ATAD2: variants seen among roughly 807,000 people sequenced by gnomAD.
ATAD2 encodes the protein ATPase family AAA domain containing 2, also known as ATPase family AAA domain-containing protein 2.
ATAD2 carries 62 observed loss-of-function variants against 168.9 expected under a neutral mutation model. The observed-to-expected ratio is 0.37, with a 90% CI of 0.30 to 0.45. ATAD2 has a LOEUF of 0.45. Ranked by LOEUF, ATAD2 falls within the 20% of genes least tolerant of loss-of-function variation. ATAD2 has a pLI of 1.00. For missense variants in ATAD2, 1,419 were observed against 1,667.8 expected, an observed-to-expected ratio of 0.85 and a Z score of 2.60; for synonymous variants, 613 against 571.6, an observed-to-expected ratio of 1.07 and a Z score of -1.03.
At position 123,319,991 on chromosome 8, in the gene ATAD2, T is replaced by C. The variant is rs1827425655; in HGVS notation, c.*1143A>G. 4 of 152,166 alleles carry C rather than the reference T, an allele frequency of 2.6e-5. No individual in the cohort carries two copies. Among genetic ancestry groups the C allele is most frequent in the Admixed American group, 1.3e-4 (2 of 15,262 alleles). 9.4% of individuals were successfully genotyped at this position (152,166 alleles called of 1,614,324 possible). On this transcript the variant is annotated 3_prime_UTR_variant, in exon 28 of 28. Transcript: ENST00000287394. ...ATGTGTATCTCCAGGAATATAAATA[T>C]ATTTAAATGTTCTCAGTGACTGGCA...
chr8:123,342,242 C>CT (rs1828086266), intron 19 of ATAD2, among the ~76,000 whole-genome samples: 1 of 152,136 alleles, frequency 6.6e-6, no homozygotes, highest in Non-Finnish European at 1.5e-5. Flanking sequence ...TAAACTTCTA[C>CT]TTTATTAATA....
intron 1 of ATAD2, among the ~76,000 whole-genome samples, chr8:123,384,100 A>T (rs1055062219): frequency 1.3e-5 from 2 of 151,770 alleles, no homozygotes; most frequent in Non-Finnish European, 1.5e-5. Context: ...AAAAAGAAAG[A>T]AAGAAAAAAA....
Position 123,357,722 on chromosome 8 carries a change from T to C in ATAD2, c.1397A>G (p.Tyr466Cys). 1 of 1,607,584 alleles carries C rather than the reference T, an allele frequency of 6.2e-7. No individual in the cohort carries two copies. Among genetic ancestry groups the C allele is most frequent in the Non-Finnish European group, 8.5e-7 (1 of 1,178,028 alleles). ...KIQPPRGCLF[Y>C]GPPGTGKTLV... is the part of the protein sequence containing the mutation. ...AGTCTTTCCAGTTCCAGGTGGCCCA[T>C]AAAACAAACAACCTCTGTAAAACAA... The change falls in exon 12 of 28, where the codon TAT becomes TGT. Residue 466 changes from tyrosine to cysteine, a missense_variant. By Grantham distance (194) the Tyr-to-Cys change is radical. This residue lies in a region of ATAD2 where 146 missense variants were observed against 188.3 expected (regional missense o/e 0.78). Transcript: ENST00000287394.
At chr8:123,336,768 TC>T (rs1185541013) in intron 21 of ATAD2, among the ~76,000 whole-genome samples, 2 of 152,130 alleles carry the variant, frequency 1.3e-5, no homozygotes, top group Non-Finnish European at 2.9e-5. Context: ...AGCTGTATTC[TC>T]CAGTAACAGC....
chr8:123,406,542 C>A (rs373743073), intron 1 of ATAD2, among the ~76,000 whole-genome samples: 4 of 150,990 alleles, frequency 2.6e-5, no homozygotes, highest in Non-Finnish European at 5.9e-5. Flanking sequence ...ACACTGGAGC[C>A]GGGTGTGGTG....
chr8:123,357,769 C>T, intron 11 of ATAD2, 33 bp from the exon 12 acceptor site: 1 of 1,528,954 alleles, frequency 6.5e-7, no homozygotes, highest in South Asian at 1.3e-5. Flanking sequence ...TTTAGTATTA[C>T]ATTTAAAAAG....
chr8:123,399,432 C>T (rs77602025), upstream of ATAD2, among the ~76,000 whole-genome samples: 4,944 of 152,070 alleles, frequency 0.033, 277 homozygotes, highest in African/African-American at 0.11. Context: ...CTAAGAGGTA[C>T]TCAGTGGATA....
At chr8:123,375,903 C>T (rs1394572816) in intron 2 of ATAD2, among the ~76,000 whole-genome samples, 3 of 151,496 alleles carry the variant, frequency 2.0e-5, no homozygotes, top group Non-Finnish European at 4.4e-5. Flanking sequence ...GTCAAGAGTT[C>T]AAGACCAGCC....
chr8:123,367,173 G>T (rs1206839315), intron 8 of ATAD2, among the ~76,000 whole-genome samples: 1 of 152,110 alleles, frequency 6.6e-6, no homozygotes, highest in Non-Finnish European at 1.5e-5. Context: ...CCACCACTTG[G>T]GAGGCCAAGG....
rs751001496 is a variant in ATAD2, at chr8:123,396,341, C to T, written c.17G>A (p.Ser6Asn). MVVLRSSLELHNHSAA... is the reference protein window; with the variant it reads MVVLRNSLELHNHSAA... ...GGAGTGGTTGTGCAGCTCCAAGCTG[C>T]TGCGGAGAACCACCATCTTCTCTCC... The change falls in exon 1 of 28, where the codon AGC becomes AAC. Residue 6 changes from serine (S) to asparagine (N), a missense_variant. Transcript: ENST00000287394. 1.6e-5 allele frequency: 26 copies of T among 1,597,246 alleles called. No individual in the cohort carries two copies. The highest frequency in any genetic ancestry group is 1.7e-4 in the Middle Eastern group (1 of 5,870).
intron 1 of ATAD2, among the ~76,000 whole-genome samples, chr8:123,384,253 CAA>C (rs889550566): frequency 6.6e-6 from 1 of 150,938 alleles, no homozygotes; most frequent in African/African-American, 2.4e-5. Context: ...TGATGTATAA[CAA>C]AAAAAAACTG....
Position 123,402,270 on chromosome 8 carries a change from G to A in ATAD2, c.-2281-1095C>T, listed in dbSNP as rs999122815. Among the ~76,000 whole-genome samples the A allele has an allele frequency of 7.9e-5, 12 of 152,078 alleles. No homozygotes were observed. The highest frequency in any genetic ancestry group is 6.2e-4 in the South Asian group (3 of 4,834). On this transcript the variant is annotated intron_variant, in intron 1 of 28. Transcript: ENST00000521903. This position sits in a 1 kb window ranked among gnomAD's most constrained non-coding sequence, Gnocchi z 4.8. ...AGTTGTGAGGGGTCTGTGACCCCTC[G>A]CTGGGCATCCCCTGCAGAGTCAGGA...
chr8:123,378,500 G>A (rs1245444281), intron 2 of ATAD2, among the ~76,000 whole-genome samples: 10 of 151,884 alleles, frequency 6.6e-5, no homozygotes, highest in Admixed American at 6.6e-5. Context: ...TCAGGAGTTC[G>A]AGACCAGCCT....
chr8:123,327,200 G>C (rs1307419564), intron 25 of ATAD2, among the ~76,000 whole-genome samples: 1 of 152,180 alleles, frequency 6.6e-6, no homozygotes, highest in Non-Finnish European at 1.5e-5. Flanking sequence ...CACCACGCCT[G>C]ACCGTGAAGA....
In ATAD2 at chr8:123,321,336, T is replaced by C. The variant is rs535833210; in HGVS notation, c.4132-161A>G. Among the ~76,000 whole-genome samples, 10 of 146,828 alleles carry C rather than the reference T, an allele frequency of 6.8e-5. No homozygotes were observed. In the South Asian group the frequency reaches 1.9e-3, roughly 27 times the overall value. On this transcript the variant is annotated intron_variant, in intron 27 of 27. Coordinates refer to ENST00000287394, the MANE Select transcript of ATAD2 (RefSeq NM_014109.4). ...CAGTTCAGTATTTAAGACTGCCACATAGATTTTACCTGTAGGACTTCATTA... is the reference window on the plus strand; with the variant it reads ...CAGTTCAGTATTTAAGACTGCCACACAGATTTTACCTGTAGGACTTCATTA...
intron 1 of ATAD2, among the ~76,000 whole-genome samples, chr8:123,411,830 G>GA (rs372616889): frequency 2.2e-4 from 33 of 148,468 alleles, no homozygotes; most frequent in Middle Eastern, 7.0e-3. Flanking sequence ...TTTAGAAACA[G>GA]AAAAAAAAAA....
At chr8:123,321,207 G>A (rs748543298) in intron 27 of ATAD2, 32 bp from the exon 28 acceptor site, 1 of 1,563,328 alleles carries the variant, frequency 6.4e-7, no homozygotes, top group Non-Finnish European at 8.7e-7. Flanking sequence ...CAAATAGTAA[G>A]TTTCAATATG....
chr8:123,324,397 G>A (rs1827550858), intron 26 of ATAD2, among the ~76,000 whole-genome samples: 1 of 152,182 alleles, frequency 6.6e-6, no homozygotes, highest in African/African-American at 2.4e-5. Context: ...AATAAAACAG[G>A]TAAATTGGAA....
At chr8:123,406,816 C>CAAAA (rs61473512) in intron 1 of ATAD2, among the ~76,000 whole-genome samples, 2 of 134,670 alleles carry the variant, frequency 1.5e-5, no homozygotes, top group African/African-American at 5.6e-5. Context: ...GACCCTGTCT[C>CAAAA]AAAAAAAAAA....
Sources: allele counts gnomAD v4.1 joint callset (sites outside exome capture counted in the v4.1 genomes callset), GRCh38; gene constraint gnomAD v4.1.1; regional missense constraint gnomAD v4.1.1; non-coding constraint Gnocchi (gnomAD v3.1); transcripts MANE v1.5; gene names NCBI Gene and HGNC (gene_info 2026-07-23, HGNC 2026-07-21).